Variants in TRIM67 observed in about 807,000 individuals in gnomAD.
TRIM67 encodes tripartite motif-containing protein 67.
Under a neutral mutation model 71.0 loss-of-function variants are expected in TRIM67, and 39 were observed. That is an observed-to-expected ratio of 0.55 (90% CI 0.43 to 0.72). TRIM67 has a LOEUF of 0.72. Among genes scored for constraint, TRIM67 ranks in the 30% least tolerant of loss-of-function variants. The pLI is 0.00. For missense variants in TRIM67, 973 were observed against 1,079.2 expected (o/e 0.90, Z 1.38); for synonymous variants, 481 against 473.9 (o/e 1.01, Z -0.19).
chr1:231,167,023 C>G (rs1682486237), intron 1 of TRIM67, among the ~76,000 whole-genome samples: 1 of 152,182 alleles, frequency 6.6e-6, no homozygotes, highest in Non-Finnish European at 1.5e-5. Flanking sequence ...ATGTCAACAT[C>G]TATAACTCCT....
intron 1 of TRIM67, chr1:231,186,165 C>T (rs1683069566): frequency 1.3e-6 from 2 of 1,533,168 alleles, no homozygotes; most frequent in Admixed American, 2.0e-5. Context: ...GAGGCGCTCC[C>T]TCTTTGTTCT....
At position 231,163,395 on chromosome 1, in the gene TRIM67, T is replaced by C; in HGVS notation, c.426T>C (p.Ala142=). 6.5e-7 allele frequency: 1 copy of C among 1,535,780 alleles called. No homozygotes were observed. ...PAPPGSSAAA[A]RGAACSSLSS... is the part of the protein sequence containing the mutation. ...CACCCGGCTCCTCGGCTGCGGCGGC[T>C]CGGGGTGCCGCCTGCTCCTCGCTGT... The change falls in exon 1 of 10, where the codon GCT becomes GCC. Residue 142 remains alanine (A), a synonymous_variant. Transcript: ENST00000366653.
rs1013369002 is a variant in TRIM67 at position 231,220,204 on chromosome 1, C to A, written c.*4764C>A. 3 of 342,280 alleles carry A rather than the reference C, an allele frequency of 8.8e-6. No individual in the cohort carries two copies. Among genetic ancestry groups the A allele is most frequent in the Non-Finnish European group, 1.7e-5 (3 of 175,718 alleles). 21.2% of individuals were successfully genotyped at this position (342,280 alleles called of 1,614,324 possible). A position where few individuals can be genotyped will look rare whatever the true frequency, so the allele number is the denominator to read the frequency against. On this transcript the variant is annotated 3_prime_UTR_variant, in exon 10 of 10. Coordinates refer to ENST00000366653, the MANE Select transcript of TRIM67 (RefSeq NM_001004342.5). ...GTGTTCTCTGACCAGTGTCTTCCAT[C>A]CAAGCCTCCTTGTGACCAGGGCAAG...
chr1:231,213,390 C>G (rs911478504), intron 8 of TRIM67, among the ~76,000 whole-genome samples: 1 of 152,190 alleles, frequency 6.6e-6, no homozygotes, highest in Non-Finnish European at 1.5e-5. Flanking sequence ...TCACCACCAC[C>G]TTGGGGACTA....
rs1268951668 is a variant in TRIM67 at position 231,220,186 on chromosome 1, C to A, written c.*4746C>A. Reference sequence around the variant, plus strand: ...CCTGTGGGGGGCGTTCCAGTGTTCTCTGACCAGTGTCTTCCATCCAAGCCT... The same window carrying A: ...CCTGTGGGGGGCGTTCCAGTGTTCTATGACCAGTGTCTTCCATCCAAGCCT... On this transcript the variant is annotated 3_prime_UTR_variant, in exon 10 of 10. Transcript: ENST00000366653. 5.5e-6 allele frequency: 2 copies of A among 361,248 alleles called. No individual in the cohort carries two copies. The highest frequency in any genetic ancestry group is 7.5e-5 in the Admixed American group (2 of 26,662). The allele number at this position is 361,248 out of a possible 1,614,324, so 22.4% of individuals were successfully genotyped here.
Position 231,216,708 on chromosome 1 carries a change from C to G in TRIM67, c.*1268C>G, listed in dbSNP as rs571750972. On this transcript the variant is annotated 3_prime_UTR_variant, in exon 10 of 10. Transcript: ENST00000366653. ...CTTCCCACTGTGAGACTGGGTGTGC[C>G]GAGTCTGACCTGCCAGGGCAGGACT... 9.1e-6 allele frequency: 9 copies of G among 985,512 alleles called. No individual in the cohort carries two copies. The African/African-American group carries it at 1.6e-4, about 17-fold the overall frequency. 61.0% of individuals were successfully genotyped at this position (985,512 alleles called of 1,614,324 possible).
chr1:231,192,239 T>C (rs1683250863), intron 1 of TRIM67, among the ~76,000 whole-genome samples: 1 of 152,084 alleles, frequency 6.6e-6, no homozygotes, highest in South Asian at 2.1e-4. Context: ...ATACAGGGTC[T>C]CGCCCTGGGC....
At chr1:231,212,807 C>A (rs1002734088) in intron 8 of TRIM67, among the ~76,000 whole-genome samples, 1 of 152,162 alleles carries the variant, frequency 6.6e-6, no homozygotes, top group Non-Finnish European at 1.5e-5. Context: ...CCCTTGGGAG[C>A]ATGTTCCTTA....
In TRIM67 at chr1:231,219,620, A is replaced by C; in HGVS notation, c.*4180A>C. On this transcript the variant is annotated 3_prime_UTR_variant, in exon 10 of 10. Coordinates refer to ENST00000366653, the MANE Select transcript of TRIM67 (RefSeq NM_001004342.5). ...CGCTCCCCACTTCCTAGAAAGCAAA[A>C]CTCGTTACCTTTGTTTTCCTTGGCC... 2.6e-6 allele frequency: 3 copies of C among 1,137,686 alleles called. No individual in the cohort carries two copies. Among genetic ancestry groups the C allele is most frequent in the Non-Finnish European group, 2.2e-6 (2 of 918,112 alleles). 70.5% of individuals were successfully genotyped at this position (1,137,686 alleles called of 1,614,324 possible).
chr1:231,190,471 G>A (rs1683201507), intron 1 of TRIM67, among the ~76,000 whole-genome samples: 1 of 152,176 alleles, frequency 6.6e-6, no homozygotes, highest in African/African-American at 2.4e-5. Context: ...GCAGAGAGAG[G>A]CTGCCTGGAT....
chr1:231,214,087 C>A (rs1316464533), intron 9 of TRIM67, 110 bp downstream of exon 9: 9 of 1,298,806 alleles, frequency 6.9e-6, no homozygotes, highest in Non-Finnish European at 2.1e-6. Context: ...ACCACAGAGC[C>A]TTCCCAGACA....
Position 231,217,543 on chromosome 1 carries a change from G to A in TRIM67, c.*2103G>A. On this transcript the variant is annotated 3_prime_UTR_variant, in exon 10 of 10. Transcript: ENST00000366653. ...GATGAAGAGGAGCCACCACTTTCCTGGGGCCAAGGAAGCCATCAGCTTTGG... is the reference window on the plus strand; with the variant it reads ...GATGAAGAGGAGCCACCACTTTCCTAGGGCCAAGGAAGCCATCAGCTTTGG... 1 of 1,004,598 alleles carries A rather than the reference G, an allele frequency of 1.0e-6. No individual in the cohort carries two copies. The highest frequency in any genetic ancestry group is 1.2e-6 in the Non-Finnish European group (1 of 841,112). 62.2% of individuals were successfully genotyped at this position (1,004,598 alleles called of 1,614,324 possible). A position where few individuals can be genotyped will look rare whatever the true frequency, so the allele number is the denominator to read the frequency against.
In TRIM67 at chr1:231,219,734, T is replaced by C; in HGVS notation, c.*4294T>C. 1 of 1,191,840 alleles carries C rather than the reference T, an allele frequency of 8.4e-7. No homozygotes were observed. Among genetic ancestry groups the C allele is most frequent in the African/African-American group, 1.6e-5 (1 of 62,626 alleles). The allele number at this position is 1,191,840 out of a possible 1,614,324, so 73.8% of individuals were successfully genotyped here. ...AAATCTAACAGATCTTATTGGCAAA[T>C]ATTCAAGATGGTGATGCTGGAAAAT... is the stretch of plus-strand genomic sequence containing the variant. On this transcript the variant is annotated 3_prime_UTR_variant, in exon 10 of 10. Transcript: ENST00000366653.
rs369760003 is a variant in TRIM67, at chr1:231,209,074, C to G, written c.1947C>G (p.Gly649=). 4.3e-6 allele frequency: 7 copies of G among 1,613,976 alleles called. No homozygotes were observed. The highest frequency in any genetic ancestry group is 5.1e-6 in the Non-Finnish European group (6 of 1,179,872). The change falls in exon 8 of 10, where the codon GGC becomes GGG. Residue 649 remains glycine (G), a synonymous_variant. Coordinates refer to ENST00000366653, the MANE Select transcript of TRIM67 (RefSeq NM_001004342.5). This position sits in a 1 kb window ranked among gnomAD's most constrained non-coding sequence, Gnocchi z 4.1. ...TGGGCACAGCTGCGTTCTCCAAGGG[C>G]GTGCACTACTGGGAGCTGCACGTGG... ...VVLGTAAFSK[G]VHYWELHVDR...
At chr1:231,205,257 A>C (rs1018869057) in intron 6 of TRIM67, among the ~76,000 whole-genome samples, 1 of 152,218 alleles carries the variant, frequency 6.6e-6, no homozygotes, top group African/African-American at 2.4e-5. Context: ...TGTTGCATGC[A>C]GACAGACCTG....
At chr1:231,182,861 C>A (rs1448206009) in intron 1 of TRIM67, among the ~76,000 whole-genome samples, 1 of 152,190 alleles carries the variant, frequency 6.6e-6, no homozygotes, top group East Asian at 1.9e-4. Context: ...CGTGTGCCTG[C>A]GGATATAGCT....
At chr1:231,207,265 G>T (rs376884654) in intron 7 of TRIM67, among the ~76,000 whole-genome samples, 3 of 152,216 alleles carry the variant, frequency 2.0e-5, no homozygotes, top group African/African-American at 7.2e-5. Context: ...AAAACTCCAC[G>T]ATAGATGCAG....
chr1:231,214,572 C>T (rs1388548980), intron 9 of TRIM67, among the ~76,000 whole-genome samples: 4 of 151,024 alleles, frequency 2.6e-5, no homozygotes, highest in South Asian at 2.1e-4. Flanking sequence ...GTCAGGAGAT[C>T]GAGACCATCC....
chr1:231,163,397 G>A lies in TRIM67; in HGVS notation c.428G>A (p.Arg143Gln), dbSNP rs1305133388. The A allele has an allele frequency of 1.3e-6, 2 of 1,535,682 alleles. No homozygotes were observed. The highest frequency in any genetic ancestry group is 8.7e-7 in the Non-Finnish European group (1 of 1,143,176). ...APPGSSAAAA[R>Q]GAACSSLSSS... is the part of the protein sequence containing the mutation. ...CCCGGCTCCTCGGCTGCGGCGGCTC[G>A]GGGTGCCGCCTGCTCCTCGCTGTCC... Residue 143 changes from arginine (R) to glutamine (Q), a missense_variant, in exon 1 of 10, where the codon CGG becomes CAG. Transcript: ENST00000366653.
Sources: allele counts gnomAD v4.1 joint callset (sites outside exome capture counted in the v4.1 genomes callset), GRCh38; gene constraint gnomAD v4.1.1; non-coding constraint Gnocchi (gnomAD v3.1); transcripts MANE v1.5; gene names NCBI Gene and HGNC (gene_info 2026-07-23, HGNC 2026-07-21).